The following RESF1 variants were observed in gnomAD, a reference collection of about 807,000 sequenced individuals.
RESF1 encodes gonad expressed transcript.
RESF1 carries 65 observed loss-of-function variants against 134.7 expected under a neutral mutation model. The observed-to-expected ratio is 0.48, with a 90% CI of 0.40 to 0.59. The LOEUF (loss-of-function observed/expected upper bound fraction) is 0.59, where lower values mean the gene tolerates loss of function less well. Ranked by LOEUF, RESF1 falls within the 20% of genes least tolerant of loss-of-function variation. The pLI is 0.00. For missense variants in RESF1, 2,274 were observed against 2,002.7 expected (o/e 1.14, Z -2.59); for synonymous variants, 762 against 702.2 (o/e 1.09, Z -1.35).
chr12:31,983,295 A>G lies in RESF1; in HGVS notation c.2340A>G (p.Thr780=), dbSNP rs1342523680. The part of the protein sequence containing the change: ...EVKTLSVKGI[T]PAVLPETVYP... Reference sequence around the variant, plus strand: ...AAACATTGTCTGTCAAAGGAATAACACCTGCAGTGTTACCTGAAACAGTGT... The same window carrying G: ...AAACATTGTCTGTCAAAGGAATAACGCCTGCAGTGTTACCTGAAACAGTGT... The change falls in exon 4 of 6, where the codon ACA becomes ACG. Residue 780 remains threonine (T), a synonymous_variant. Transcript: ENST00000312561. 5.6e-6 allele frequency: 9 copies of G among 1,613,968 alleles called. No homozygotes were observed. In the East Asian group the frequency reaches 2.0e-4, roughly 36 times the overall value.
intron 5 of RESF1, among the ~76,000 whole-genome samples, chr12:31,989,716 G>GT: frequency 6.6e-6 from 1 of 152,266 alleles, no homozygotes. Flanking sequence ...GTCAGGTGTA[G>GT]TGGCACATGC....
chr12:31,972,229 C>T (rs1038070076), intron 3 of RESF1, among the ~76,000 whole-genome samples: 4 of 151,986 alleles, frequency 2.6e-5, no homozygotes, highest in South Asian at 2.1e-4. Context: ...ACCAAAGGAG[C>T]GGGACATGGG....
At chr12:31,967,037 AAC>A (rs1939413675) in intron 2 of RESF1, among the ~76,000 whole-genome samples, 1 of 152,222 alleles carries the variant, frequency 6.6e-6, no homozygotes, top group African/African-American at 2.4e-5. Flanking sequence ...CCCTGTGAGA[AAC>A]AGTCACAAAG....
intron 3 of RESF1, among the ~76,000 whole-genome samples, chr12:31,974,690 G>C (rs1036615624): frequency 6.6e-6 from 1 of 152,032 alleles, no homozygotes; most frequent in Admixed American, 6.6e-5. Context: ...TTTTGGGGAG[G>C]GTACAATTCA....
chr12:31,966,838 TAG>T (rs10594552), intron 2 of RESF1, among the ~76,000 whole-genome samples: 10,247 of 152,248 alleles, frequency 0.067, 487 homozygotes, highest in South Asian at 0.14. Flanking sequence ...TGGTTCTGAA[TAG>T]AGTTTGTAGC....
rs752264032 is a variant in RESF1 at position 31,985,098 on chromosome 12, C to T, written c.4143C>T (p.Asn1381=). Residue 1381 remains asparagine, a synonymous_variant, in exon 4 of 6, where the codon AAC becomes AAT. Coordinates refer to ENST00000312561, the MANE Select transcript of RESF1 (RefSeq NM_018169.4). ...AAAAACGAAAGTTAGACCAAGGGAACGTATTAGATATGGAAGTAAAGAAAA... is the reference window on the plus strand; with the variant it reads ...AAAAACGAAAGTTAGACCAAGGGAATGTATTAGATATGGAAGTAAAGAAAA... ...FKQKRKLDQG[N]VLDMEVKKKK... 1.2e-5 allele frequency: 19 copies of T among 1,557,574 alleles called. No homozygotes were observed. The East Asian group carries it at 2.0e-4, about 17-fold the overall frequency.
rs370599713 is a variant in RESF1 at position 31,984,094 on chromosome 12, C to T, written c.3139C>T (p.Pro1047Ser). 2 of 1,614,004 alleles carry T rather than the reference C, an allele frequency of 1.2e-6. No homozygotes were observed. Among genetic ancestry groups the T allele is most frequent in the East Asian group, 4.5e-5 (2 of 44,874 alleles). Residue 1047 changes from proline (P) to serine (S), a missense_variant, in exon 4 of 6, where the codon CCT becomes TCT. By Grantham distance (74) the Pro-to-Ser change is moderately conservative. Coordinates refer to ENST00000312561, the MANE Select transcript of RESF1 (RefSeq NM_018169.4). ...AAATGAAATCCACAGTGATAAGGCA[C>T]CTGTCTTATACCTACATGACCAGCT... ...ARNEIHSDKA[P>S]VLYLHDQLSE...
chr12:31,971,543 A>G (rs767521530), intron 3 of RESF1, among the ~76,000 whole-genome samples: 3 of 152,230 alleles, frequency 2.0e-5, no homozygotes, highest in Non-Finnish European at 1.5e-5. Flanking sequence ...AAACAATAAC[A>G]TATAGTTGGA....
At chr12:31,970,516 C>G (rs1939482458) in intron 3 of RESF1, among the ~76,000 whole-genome samples, 160 bp downstream of exon 3, 1 of 152,142 alleles carries the variant, frequency 6.6e-6, no homozygotes, top group Admixed American at 6.5e-5. Flanking sequence ...GTTTTTGCTT[C>G]TTGTATTTTG....
intron 2 of RESF1, among the ~76,000 whole-genome samples, chr12:31,966,539 A>G (rs1011736737): frequency 6.6e-6 from 1 of 152,234 alleles, no homozygotes; most frequent in African/African-American, 2.4e-5. Context: ...CCTGCTGGCC[A>G]GTCAAGATGT....
intron 5 of RESF1, among the ~76,000 whole-genome samples, chr12:31,989,806 C>G (rs145235750): frequency 1.3e-5 from 2 of 151,890 alleles, no homozygotes; most frequent in Non-Finnish European, 2.9e-5. Flanking sequence ...GAGCTGAGAT[C>G]GGACCACTGC....
Position 31,983,988 on chromosome 12 carries a change from C to T in RESF1, c.3033C>T (p.Cys1011=), listed in dbSNP as rs375782338. 6 of 1,613,784 alleles carry T rather than the reference C, an allele frequency of 3.7e-6. No individual in the cohort carries two copies. The highest frequency in any genetic ancestry group is 5.1e-6 in the Non-Finnish European group (6 of 1,179,962). ...ATEKSTANDT[C]SSAAIQEDIY... The stretch of plus-strand genomic sequence containing the variant: ...AAAAAAGCACAGCTAACGATACGTG[C>T]TCGTCAGCTGCTATTCAGGAGGATA... Residue 1011 remains cysteine, a synonymous_variant, in exon 4 of 6, where the codon TGC becomes TGT. Coordinates refer to ENST00000312561, the MANE Select transcript of RESF1 (RefSeq NM_018169.4).
At chr12:31,976,347 T>A (rs10844081) in intron 3 of RESF1, among the ~76,000 whole-genome samples, 22,195 of 152,214 alleles carry the variant, frequency 0.15, 2,114 homozygotes, top group Middle Eastern at 0.26. Context: ...ACAGTAACAT[T>A]AAACAGTTGA....
chr12:31,982,785 A>G lies in RESF1; in HGVS notation c.1830A>G (p.Lys610=), dbSNP rs979224697. The G allele has an allele frequency of 4.3e-6, 7 of 1,614,166 alleles. No homozygotes were observed. The highest frequency in any genetic ancestry group is 4.5e-5 in the East Asian group (2 of 44,884). The part of the protein sequence containing the change: ...KDANQTIQDS[K]PDSCEMNPNT... Reference sequence around the variant, plus strand: ...CTAATCAAACTATTCAGGATTCTAAACCAGACAGTTGTGAAATGAATCCAA... The same window carrying G: ...CTAATCAAACTATTCAGGATTCTAAGCCAGACAGTTGTGAAATGAATCCAA... The change falls in exon 4 of 6, where the codon AAA becomes AAG. Residue 610 remains lysine, a synonymous_variant. Coordinates refer to ENST00000312561, the MANE Select transcript of RESF1 (RefSeq NM_018169.4).
chr12:31,988,621 C>T (rs995882393), intron 5 of RESF1, among the ~76,000 whole-genome samples: 7 of 152,158 alleles, frequency 4.6e-5, no homozygotes, highest in East Asian at 1.9e-4. Flanking sequence ...ATAATGAGAC[C>T]GGTCCTAGCT....
chr12:31,979,428 C>G (rs1939719350), intron 3 of RESF1, among the ~76,000 whole-genome samples: 2 of 152,242 alleles, frequency 1.3e-5, no homozygotes, highest in African/African-American at 4.8e-5. Flanking sequence ...TTCTGACCAA[C>G]TGGCTATAAA....
In RESF1 at chr12:31,966,905, G is replaced by T. The variant is rs570266526; in HGVS notation, c.-246-3284G>T. Among the ~76,000 whole-genome samples, 4 of 152,296 alleles carry T rather than the reference G, an allele frequency of 2.6e-5. No individual in the cohort carries two copies. The East Asian group carries it at 7.7e-4, about 29-fold the overall frequency. ...TGTAGGTGAACAGCTTCACCGTGGT[G>T]CCCTGATGACTTGCTCTTCTCATAG... On this transcript the variant is annotated intron_variant, in intron 2 of 5. Transcript: ENST00000312561.
chr12:31,980,199 C>T (rs1468997149), intron 3 of RESF1, among the ~76,000 whole-genome samples: 1 of 150,138 alleles, frequency 6.7e-6, no homozygotes, highest in African/African-American at 2.5e-5. Flanking sequence ...GTATCCTCCA[C>T]CTCCCAGGTT....
intron 5 of RESF1, among the ~76,000 whole-genome samples, chr12:31,989,723 A>T (rs776266523): frequency 6.6e-5 from 10 of 152,142 alleles, no homozygotes; most frequent in Admixed American, 1.3e-4. Flanking sequence ...GTAGTGGCAC[A>T]TGCCTGTAAT....
Sources: gnomAD v4.1 joint callset for allele counts (sites outside exome capture counted in the v4.1 genomes callset) on GRCh38, gnomAD v4.1.1 for gene constraint, MANE v1.5 for transcripts, NCBI Gene and HGNC (gene_info 2026-07-23, HGNC 2026-07-21) for gene names.